RAG1: variants seen among roughly 807,000 people sequenced by gnomAD.
RAG1 encodes recombination activating 1, also known as V(D)J recombination-activating protein 1.
In RAG1, 35 loss-of-function variants were observed where a neutral mutation model predicts 62.7. The ratio of observed to expected loss-of-function variants is 0.56; its 90% CI spans 0.43 to 0.74. The LOEUF (loss-of-function observed/expected upper bound fraction) is 0.74. RAG1 is among the 30% of genes least tolerant of loss of function. The probability of loss-of-function intolerance (pLI) is 0.00; values close to 1 mark genes in which losing one functional copy is unlikely to be tolerated. For synonymous variants in RAG1, 461 were observed against 470.3 expected (o/e 0.98, Z 0.26); for missense variants, 1,169 against 1,278.6 (o/e 0.91, Z 1.31).
chr11:36,537,007 C>T (rs574406408), downstream of RAG1, among the ~76,000 whole-genome samples: 1 of 151,050 alleles, frequency 6.6e-6, no homozygotes, highest in Non-Finnish European at 1.5e-5. Flanking sequence ...ATCCACCTGC[C>T]TCGGCCTCCC....
intron 2 of RAG1, among the ~76,000 whole-genome samples, chr11:36,521,319 T>A (rs1038277706): frequency 1.1e-4 from 17 of 152,106 alleles, no homozygotes; most frequent in African/African-American, 4.1e-4. Flanking sequence ...CGGTAAAAGA[T>A]GATTGAGTCA....
At chr11:36,525,558 T>C (rs1288253905) in intron 2 of RAG1, among the ~76,000 whole-genome samples, 2 of 152,200 alleles carry the variant, frequency 1.3e-5, no homozygotes, top group Non-Finnish European at 2.9e-5. Flanking sequence ...AGATCTTCTA[T>C]GACTTCTTTC....
intron 3 of RAG1, among the ~76,000 whole-genome samples, chr11:36,551,707 C>T (rs2133275126): frequency 1.4e-5 from 2 of 142,356 alleles, no homozygotes; most frequent in South Asian, 4.6e-4. Flanking sequence ...ACTGCACCCA[C>T]TAATGTGTCA....
intron 1 of RAG1, among the ~76,000 whole-genome samples, chr11:36,519,034 A>T (rs1000586418): frequency 1.3e-5 from 2 of 152,258 alleles, no homozygotes; most frequent in Admixed American, 1.3e-4. Flanking sequence ...GATATCAATT[A>T]TGTTAAATAA....
intron 1 of RAG1, among the ~76,000 whole-genome samples, chr11:36,514,928 C>T (rs1179668644): frequency 1.3e-5 from 2 of 152,254 alleles, no homozygotes; most frequent in Admixed American, 6.5e-5. Context: ...GAGGGAACAC[C>T]TATTGCAAAG....
At chr11:36,557,577 C>T (rs545836842) in intron 3 of RAG1, among the ~76,000 whole-genome samples, 32 of 152,136 alleles carry the variant, frequency 2.1e-4, no homozygotes, top group African/African-American at 7.2e-4. Flanking sequence ...TCTTCTGCGT[C>T]GCTCACGCTG....
chr11:36,542,824 T>A (rs1850329104), intron 3 of RAG1, among the ~76,000 whole-genome samples: 1 of 152,198 alleles, frequency 6.6e-6, no homozygotes. Flanking sequence ...ATCACATAAT[T>A]ATTGCTCTAT....
intron 3 of RAG1, among the ~76,000 whole-genome samples, chr11:36,548,103 T>G (rs144140625): frequency 3.1e-3 from 479 of 152,226 alleles, no homozygotes; most frequent in African/African-American, 0.01. Context: ...CTCAATAAAC[T>G]AGGTATTGAT....
chr11:36,544,208 A>C (rs1439070074), intron 3 of RAG1, among the ~76,000 whole-genome samples: 1 of 152,192 alleles, frequency 6.6e-6, no homozygotes, highest in East Asian at 1.9e-4. Context: ...TAAAGATTTT[A>C]AGTTAAGGAG....
intron 3 of RAG1, among the ~76,000 whole-genome samples, chr11:36,557,584 G>A (rs1056395767): frequency 6.6e-6 from 1 of 152,008 alleles, no homozygotes; most frequent in African/African-American, 2.4e-5. Flanking sequence ...CGTCGCTCAC[G>A]CTGGGAGCTG....
downstream of RAG1, among the ~76,000 whole-genome samples, chr11:36,539,340 G>T (rs1192731499): frequency 6.6e-6 from 1 of 152,216 alleles, no homozygotes; most frequent in Non-Finnish European, 1.5e-5. Flanking sequence ...GCCTCTGGAA[G>T]TGTCAGAAAT....
At position 36,574,531 on chromosome 11, in the gene RAG1, C is replaced by T. The variant is rs1218949713; in HGVS notation, c.1227C>T (p.His409=). Reference sequence around the variant, plus strand: ...CGCTGACTCGGAGAGCTCAGAAGCACCGGCTGAGGGAGCTCAAGCTGCAAG... The same window carrying T: ...CGCTGACTCGGAGAGCTCAGAAGCATCGGCTGAGGGAGCTCAAGCTGCAAG... The part of the protein sequence containing the change: ...LLSLTRRAQK[H]RLRELKLQVK... Residue 409 remains histidine (H), a synonymous_variant, in exon 2 of 2, where the codon CAC becomes CAT. Coordinates refer to ENST00000299440, the MANE Select transcript of RAG1 (RefSeq NM_000448.3). 1.9e-6 allele frequency: 3 copies of T among 1,614,142 alleles called. No individual in the cohort carries two copies. The highest frequency in any genetic ancestry group is 3.3e-5 in the Admixed American group (2 of 60,016).
intron 3 of RAG1, among the ~76,000 whole-genome samples, chr11:36,548,068 T>G (rs921195786): frequency 2.6e-5 from 4 of 152,166 alleles, no homozygotes; most frequent in African/African-American, 4.8e-5. Flanking sequence ...TTCATAAAAT[T>G]CAACACCCCT....
chr11:36,520,512 G>A (rs1860062297), intron 2 of RAG1, among the ~76,000 whole-genome samples: 1 of 152,106 alleles, frequency 6.6e-6, no homozygotes, highest in South Asian at 2.1e-4. Flanking sequence ...CCTGACCTCA[G>A]GTGTTCCACC....
At chr11:36,523,104 A>T (rs1860106539) in intron 2 of RAG1, among the ~76,000 whole-genome samples, 1 of 152,194 alleles carries the variant, frequency 6.6e-6, no homozygotes, top group South Asian at 2.1e-4. Context: ...ACTATTGGGA[A>T]GGCATGATTC....
In RAG1 at chr11:36,575,633, G is replaced by A. The variant is rs1481935422; in HGVS notation, c.2329G>A (p.Asp777Asn). 1 of 1,614,202 alleles carries A rather than the reference G, an allele frequency of 6.2e-7. No homozygotes were observed. The highest frequency in any genetic ancestry group is 1.1e-5 in the South Asian group (1 of 91,084). Residue 777 changes from aspartate (D) to asparagine (N), a missense_variant, in exon 2 of 2, where the codon GAT (aspartate) becomes AAT (asparagine). Physicochemically the swap from Asp to Asn is conservative, Grantham distance 23 (BLOSUM62 1). Transcript: ENST00000299440. This position sits in a 1 kb window ranked among gnomAD's most constrained non-coding sequence, Gnocchi z 4.1. ...CCATGAGTCTGTGGAAGAACTGCGGGATCGGGTGAAAGGGGTCTCAGCTAA... is the reference window on the plus strand; with the variant it reads ...CCATGAGTCTGTGGAAGAACTGCGGAATCGGGTGAAAGGGGTCTCAGCTAA... ...PYHESVEELR[D>N]RVKGVSAKPF... is the part of the protein sequence containing the mutation.
intron 1 of RAG1, among the ~76,000 whole-genome samples, chr11:36,511,808 A>G (rs1859926943): frequency 6.6e-6 from 1 of 152,180 alleles, no homozygotes; most frequent in South Asian, 2.1e-4. Context: ...GCTGGAGAAA[A>G]GGAAGAGCAA....
In RAG1 at chr11:36,577,446, C is replaced by G. The variant is rs1850868533; in HGVS notation, c.*1010C>G. The G allele has an allele frequency of 6.0e-6, 1 of 167,020 alleles. No homozygotes were observed. The highest frequency in any genetic ancestry group is 1.5e-5 in the Non-Finnish European group (1 of 68,116). 10.3% of individuals were successfully genotyped at this position (167,020 alleles called of 1,614,324 possible). On this transcript the variant is annotated 3_prime_UTR_variant, in exon 2 of 2. Transcript: ENST00000299440. ...AAATCTAGGTTTCATAGAGTCCTCT[C>G]CTCTGCAATGTGTTATTCTTTCTAT...
intron 1 of RAG1, among the ~76,000 whole-genome samples, chr11:36,513,429 C>A (rs1285618979): frequency 6.6e-6 from 1 of 152,186 alleles, no homozygotes; most frequent in Admixed American, 6.5e-5. Flanking sequence ...AATAAGATGG[C>A]TCTCTACAAG....
Sources: gnomAD v4.1 joint callset for allele counts (sites outside exome capture counted in the v4.1 genomes callset) on GRCh38, gnomAD v4.1.1 for gene constraint, Gnocchi (gnomAD v3.1) non-coding constraint, MANE v1.5 for transcripts, NCBI Gene and HGNC (gene_info 2026-07-23, HGNC 2026-07-21) for gene names.